ADAM12: variants seen among roughly 807,000 people sequenced by gnomAD.
ADAM12 encodes the protein ADAM metallopeptidase domain 12, also known as disintegrin and metalloproteinase domain-containing protein 12.
In ADAM12, 70 loss-of-function variants were observed where a neutral mutation model predicts 106.4. The ratio of observed to expected loss-of-function variants is 0.66; its 90% CI spans 0.54 to 0.80. The LOEUF (loss-of-function observed/expected upper bound fraction) is 0.80. Among genes scored for constraint, ADAM12 ranks in the 30% least tolerant of loss-of-function variants. The probability of loss-of-function intolerance (pLI) is 0.00; values close to 1 mark genes in which losing one functional copy is unlikely to be tolerated. For missense variants in ADAM12, 1,010 were observed against 1,171.9 expected, an observed-to-expected ratio of 0.86 and a Z score of 2.02; for synonymous variants, 420 against 433.5, an observed-to-expected ratio of 0.97 and a Z score of 0.39.
intron 18 of ADAM12, chr10:126,042,151 G>C (rs748141174): frequency 2.5e-6 from 4 of 1,613,686 alleles, no homozygotes; most frequent in Middle Eastern, 1.7e-4. Context: ...TGTCAGTGAG[G>C]CAGTAGACGC....
chr10:126,256,134 A>AC (rs1958888021), intron 3 of ADAM12, among the ~76,000 whole-genome samples: 1 of 151,338 alleles, frequency 6.6e-6, no homozygotes, highest in Non-Finnish European at 1.5e-5. Context: ...AAATCAAATC[A>AC]CCCCCCTACC....
intron 1 of ADAM12, among the ~76,000 whole-genome samples, chr10:126,346,843 AC>A (rs1855159345): frequency 6.6e-6 from 1 of 151,892 alleles, no homozygotes; most frequent in African/African-American, 2.4e-5. Context: ...TAGGTTTGCA[AC>A]CCCTGCCTTT....
Position 126,361,968 on chromosome 10 carries a change from G to A in ADAM12, c.88+26090C>T, listed in dbSNP as rs186481050. ...TCAAACTAAAAAGCTTTCACACAATGAAGAAAAAAATTAACAGAATGAAGA... is the reference window on the plus strand; with the variant it reads ...TCAAACTAAAAAGCTTTCACACAATAAAGAAAAAAATTAACAGAATGAAGA... On this transcript the variant is annotated intron_variant, in intron 1 of 22. Coordinates refer to ENST00000448723, the MANE Select transcript of ADAM12 (RefSeq NM_001288973.2). Among the ~76,000 whole-genome samples, 357 of 151,910 alleles carry A rather than the reference G, an allele frequency of 2.4e-3. 7 individuals are homozygous for A. In the South Asian group the frequency reaches 0.024, roughly 10 times the overall value.
intron 11 of ADAM12, among the ~76,000 whole-genome samples, chr10:126,076,479 C>T (rs954162920): frequency 7.2e-5 from 11 of 152,138 alleles, no homozygotes; most frequent in Non-Finnish European, 1.0e-4. Context: ...TTAAGTTCTT[C>T]GAGAAACTGC....
intron 14 of ADAM12, among the ~76,000 whole-genome samples, chr10:126,050,749 G>C (rs1954460975): frequency 1.3e-5 from 2 of 152,214 alleles, no homozygotes; most frequent in Admixed American, 6.5e-5. Context: ...GCTACTAGCA[G>C]ACATGATCAT....
Position 126,017,900 on chromosome 10 carries a change from G to A in ADAM12, c.2661-561C>T, listed in dbSNP as rs1477100276. ...AGAGGTAAGATTGGCCACAGCTTGAGGGCATTTAAGAAAAAGGGCTTCCCC... is the reference window on the plus strand; with the variant it reads ...AGAGGTAAGATTGGCCACAGCTTGAAGGCATTTAAGAAAAAGGGCTTCCCC... On this transcript the variant is annotated intron_variant, in intron 22 of 22. Transcript: ENST00000448723. 2.6e-5 allele frequency among the ~76,000 whole-genome samples: 4 copies of A among 152,270 alleles called. No individual in the cohort carries two copies. The South Asian group carries it at 8.3e-4, about 32-fold the overall frequency.
In ADAM12 at chr10:126,049,127, C is replaced by G; in HGVS notation, c.1917+126G>C. 1 of 1,225,876 alleles carries G rather than the reference C, an allele frequency of 8.2e-7. No homozygotes were observed. Among genetic ancestry groups the G allele is most frequent in the East Asian group, 2.3e-5 (1 of 42,718 alleles). The allele number at this position is 1,225,876 out of a possible 1,614,324, so 75.9% of individuals were successfully genotyped here. On this transcript the variant is annotated intron_variant, in intron 16 of 22. Coordinates refer to ENST00000448723, the MANE Select transcript of ADAM12 (RefSeq NM_001288973.2). The surrounding 1 kb of genome is among the most constrained non-coding windows in gnomAD (Gnocchi z 4.4). ...ATCTAGGATTTATTGACTTTTTCTT[C>G]TAGGTGCATCTGAGAAGAAGTAGAT... is the stretch of plus-strand genomic sequence containing the variant.
At chr10:126,331,534 C>CA (rs1854511510) in intron 1 of ADAM12, among the ~76,000 whole-genome samples, 1 of 152,196 alleles carries the variant, frequency 6.6e-6, no homozygotes, top group Non-Finnish European at 1.5e-5. Flanking sequence ...CAGTTATATT[C>CA]AGGTTACCAA....
intron 4 of ADAM12, among the ~76,000 whole-genome samples, chr10:126,153,247 A>G (rs1054199475): frequency 2.0e-5 from 3 of 152,222 alleles, no homozygotes; most frequent in Non-Finnish European, 2.9e-5. Context: ...TTTTAATTGC[A>G]TAGTTACTAA....
chr10:126,290,984 G>A (rs1960124935), intron 2 of ADAM12, among the ~76,000 whole-genome samples: 1 of 152,194 alleles, frequency 6.6e-6, no homozygotes, highest in Non-Finnish European at 1.5e-5. Flanking sequence ...TATAACCAGG[G>A]ACATTAAAAT....
Position 126,138,620 on chromosome 10 carries a change from C to T in ADAM12, c.340-2960G>A, listed in dbSNP as rs145539126. Among the ~76,000 whole-genome samples, 224 of 152,302 alleles carry T rather than the reference C, an allele frequency of 1.5e-3. 1 individual carries two copies. The East Asian group carries it at 0.037, about 25-fold the overall frequency. On this transcript the variant is annotated intron_variant, in intron 4 of 22. Transcript: ENST00000448723. ...TGAACTACTGACCTCAAGCAATCTG[C>T]CTGCCTTGGCCTCCCAAAGTGCTGG... is the stretch of plus-strand genomic sequence containing the variant.
In ADAM12 at chr10:126,066,952, GT is replaced by G; in HGVS notation, c.1324-147del. 1 of 748,908 alleles carries G rather than the reference GT, an allele frequency of 1.3e-6. No individual in the cohort carries two copies. The highest frequency in any genetic ancestry group is 2.2e-6 in the Non-Finnish European group (1 of 449,748). The allele number at this position is 748,908 out of a possible 1,614,324, so 46.4% of individuals were successfully genotyped here. On this transcript the variant is annotated intron_variant, in intron 12 of 22. Transcript: ENST00000448723. This position sits in a 1 kb window ranked among gnomAD's most constrained non-coding sequence, Gnocchi z 5.1. ...ACTGCACACCTGCCTGTTTCCGTCT[GT>G]TAGGAAAGCAAAGCTTCTGCTTTTT...
chr10:126,250,508 TA>T (rs1958723982), intron 3 of ADAM12, among the ~76,000 whole-genome samples: 1 of 152,228 alleles, frequency 6.6e-6, no homozygotes, highest in Non-Finnish European at 1.5e-5. Flanking sequence ...CTCAAGCCTT[TA>T]AAAATAATTT....
chr10:126,368,195 TGTGAAACCTA>T (rs893751242), intron 1 of ADAM12, among the ~76,000 whole-genome samples: 1 of 151,932 alleles, frequency 6.6e-6, no homozygotes, highest in Non-Finnish European at 1.5e-5. Flanking sequence ...CATACTAATT[TGTGAAACCTA>T]GGTAGGTCTC....
intron 11 of ADAM12, among the ~76,000 whole-genome samples, chr10:126,093,497 G>A (rs1257244972): frequency 6.6e-6 from 1 of 152,126 alleles, no homozygotes; most frequent in Non-Finnish European, 1.5e-5. Context: ...CCAAGCTACC[G>A]ACTTCAGAGA....
chr10:126,108,493 G>T, intron 8 of ADAM12, 100 bp downstream of exon 8: 1 of 1,095,164 alleles, frequency 9.1e-7, no homozygotes, highest in Non-Finnish European at 1.4e-6. Context: ...AAGGCCCAGA[G>T]GCAGAACCTC....
intron 4 of ADAM12, among the ~76,000 whole-genome samples, chr10:126,149,612 A>G (rs1224411573): frequency 6.6e-6 from 1 of 152,204 alleles, no homozygotes; most frequent in Non-Finnish European, 1.5e-5. Context: ...CAGCGCGGCT[A>G]GAATAAAGTA....
chr10:126,304,149 G>T (rs1431361220), intron 2 of ADAM12, among the ~76,000 whole-genome samples: 2 of 151,950 alleles, frequency 1.3e-5, no homozygotes, highest in Admixed American at 6.6e-5. Flanking sequence ...TCTAAGAAAG[G>T]CCGTGCCTCA....
At chr10:126,051,491 GTCCATCCACCCGTCCATCCA>G (rs1442053500) in intron 14 of ADAM12, among the ~76,000 whole-genome samples, 27 of 80,606 alleles carry the variant, frequency 3.3e-4, no homozygotes, top group South Asian at 4.3e-4. Flanking sequence ...CCAGCCACCC[GTCCATCCACCCGTCCATCCA>G]TCCATCCATC....
Sources: allele counts gnomAD v4.1 joint callset (sites outside exome capture counted in the v4.1 genomes callset), GRCh38; gene constraint gnomAD v4.1.1; non-coding constraint Gnocchi (gnomAD v3.1); transcripts MANE v1.5; gene names NCBI Gene and HGNC (gene_info 2026-07-23, HGNC 2026-07-21).